LRRC4C: variants seen among roughly 807,000 people sequenced by gnomAD.
The protein encoded by LRRC4C is leucine-rich repeat-containing protein 4C.
In LRRC4C, 5 loss-of-function variants were observed where a neutral mutation model predicts 33.6. The ratio of observed to expected loss-of-function variants is 0.15; its 90% CI spans 0.08 to 0.31. The LOEUF (loss-of-function observed/expected upper bound fraction) is 0.31. LRRC4C is among the 10% of genes least tolerant of loss of function. The pLI, the probability that LRRC4C is intolerant of heterozygous loss-of-function variation, is 1.00. For synonymous variants in LRRC4C, 329 were observed against 302.0 expected (o/e 1.09, Z -0.93); for missense variants, 560 against 796.7 (o/e 0.70, Z 3.58).
chr11:40,532,599 T>C (rs192106884), intron 3 of LRRC4C, among the ~76,000 whole-genome samples: 81 of 151,712 alleles, frequency 5.3e-4, no homozygotes, highest in Non-Finnish European at 1.8e-4. Flanking sequence ...TCTAGTGTCA[T>C]GTAAGGGGTA....
At chr11:41,362,899 G>C (rs758628524) in intron 1 of LRRC4C, among the ~76,000 whole-genome samples, 30 of 151,912 alleles carry the variant, frequency 2.0e-4, no homozygotes, top group Non-Finnish European at 3.5e-4. Flanking sequence ...CTGTCACATG[G>C]CCTTCTTTTC....
chr11:40,127,256 C>G (rs1266631301), intron 6 of LRRC4C, among the ~76,000 whole-genome samples: 36 of 150,498 alleles, frequency 2.4e-4, no homozygotes, highest in Non-Finnish European at 5.9e-5. Flanking sequence ...AGCTGGGCAA[C>G]AGAACTAGAC....
intron 5 of LRRC4C, among the ~76,000 whole-genome samples, chr11:40,182,367 A>G (rs1483564952): frequency 2.0e-5 from 3 of 152,160 alleles, no homozygotes; most frequent in Admixed American, 2.0e-4. Context: ...AAGGAAACAA[A>G]CAAGTATAAC....
At chr11:40,717,202 A>C (rs1946771773) in intron 2 of LRRC4C, among the ~76,000 whole-genome samples, 1 of 151,884 alleles carries the variant, frequency 6.6e-6, no homozygotes, top group Non-Finnish European at 1.5e-5. Context: ...ATGGTTTACT[A>C]ATCATAAATG....
chr11:40,194,169 G>A (rs186214328), intron 5 of LRRC4C, among the ~76,000 whole-genome samples: 355 of 152,230 alleles, frequency 2.3e-3, no homozygotes, highest in Non-Finnish European at 4.1e-3. Flanking sequence ...ATTCTCTACG[G>A]TTGAAATGAA....
chr11:41,413,640 T>C (rs142889206), intron 1 of LRRC4C, among the ~76,000 whole-genome samples: 1 of 152,322 alleles, frequency 6.6e-6, no homozygotes, highest in Non-Finnish European at 1.5e-5. Flanking sequence ...TGGTGTATTG[T>C]CTAGCTGGAA....
intron 2 of LRRC4C, among the ~76,000 whole-genome samples, chr11:40,761,863 G>A (rs1171219420): frequency 1.3e-5 from 2 of 152,204 alleles, no homozygotes; most frequent in East Asian, 3.9e-4. Flanking sequence ...AGTAAGAGTT[G>A]GAAGGATTTG....
rs556591426 is a variant in LRRC4C at position 40,350,214 on chromosome 11, C to T, written c.-269-30493G>A. Among the ~76,000 whole-genome samples the T allele has an allele frequency of 2.6e-5, 4 of 152,182 alleles. 1 individual carries two copies. The South Asian group carries it at 8.3e-4, about 31-fold the overall frequency. On this transcript the variant is annotated intron_variant, in intron 3 of 6. Transcript: ENST00000528697. The stretch of plus-strand genomic sequence containing the variant: ...CCCCAATGTTTTCTTTTAGTAGTTT[C>T]ATAGCTTGCGATCTTAGATTTAAGT...
rs545315087 is a variant in LRRC4C, at chr11:41,235,265, T to TA, written c.-496+224165dup. Among the ~76,000 whole-genome samples the TA allele has an allele frequency of 2.1e-3, 325 of 151,904 alleles. 2 individuals carry two copies. Among genetic ancestry groups the TA allele is most frequent in the African/African-American group, 6.3e-3 (263 of 41,464 alleles). ...GCAATGGGGATAACGCAGAAGACGC[T>TA]AAAAAAAATGCAACCATTTGAGATT... On this transcript the variant is annotated intron_variant, in intron 1 of 6. Coordinates refer to ENST00000528697, the MANE Select transcript of LRRC4C (RefSeq NM_001258419.2).
intron 6 of LRRC4C, among the ~76,000 whole-genome samples, chr11:40,127,664 C>T (rs1856354538): frequency 1.3e-5 from 2 of 152,172 alleles, no homozygotes; most frequent in East Asian, 3.9e-4. Flanking sequence ...TAATAATCGA[C>T]GTCCCTAGTA....
chr11:40,933,719 C>A lies in LRRC4C; in HGVS notation c.-491G>T, dbSNP rs1957738194. On this transcript the variant is annotated 5_prime_UTR_variant, in exon 2 of 7. An upstream start codon of the reference 5' UTR is lost. Transcript: ENST00000528697. ...CTTGCAGCCTCGCAGTAAAGAGAAC[C>A]ATTTCTAGAAAAGACATACGATTAA... 1 of 152,196 alleles carries A rather than the reference C, an allele frequency of 6.6e-6. No homozygotes were observed. The highest frequency in any genetic ancestry group is 1.5e-5 in the Non-Finnish European group (1 of 68,038). 9.4% of individuals were successfully genotyped at this position (152,196 alleles called of 1,614,324 possible). A position where few individuals can be genotyped will look rare whatever the true frequency, so the allele number is the denominator to read the frequency against.
At chr11:40,943,417 A>G (rs1465225515) in intron 1 of LRRC4C, among the ~76,000 whole-genome samples, 1 of 152,180 alleles carries the variant, frequency 6.6e-6, no homozygotes, top group Non-Finnish European at 1.5e-5. Flanking sequence ...CTTCGATTCC[A>G]GCACAAAGAA....
intron 6 of LRRC4C, among the ~76,000 whole-genome samples, chr11:40,132,854 C>T (rs939993739): frequency 6.6e-6 from 1 of 151,840 alleles, no homozygotes; most frequent in South Asian, 2.1e-4. Context: ...TCTAGGCTTT[C>T]AGTTTGAAAA....
intron 1 of LRRC4C, among the ~76,000 whole-genome samples, chr11:41,337,942 C>T (rs1951507965): frequency 6.6e-6 from 1 of 152,092 alleles, no homozygotes. Flanking sequence ...AAAAGCTCAA[C>T]ATGACTGATC....
intron 1 of LRRC4C, among the ~76,000 whole-genome samples, chr11:41,243,876 C>T (rs1294583823): frequency 6.6e-6 from 1 of 151,992 alleles, no homozygotes; most frequent in Non-Finnish European, 1.5e-5. Flanking sequence ...GCATGAATAT[C>T]GCTATTATAC....
intron 5 of LRRC4C, among the ~76,000 whole-genome samples, chr11:40,176,487 T>A (rs1439405293): frequency 4.6e-5 from 7 of 151,664 alleles, no homozygotes; most frequent in Non-Finnish European, 7.4e-5. Context: ...AGGGATAAAA[T>A]AATTAGATTG....
At chr11:40,623,113 G>T (rs1465449080) in intron 3 of LRRC4C, among the ~76,000 whole-genome samples, 2 of 151,550 alleles carry the variant, frequency 1.3e-5, no homozygotes, top group East Asian at 1.9e-4. Flanking sequence ...ACCAAGATTT[G>T]CCAGGGTCTT....
intron 3 of LRRC4C, among the ~76,000 whole-genome samples, chr11:40,540,158 T>G (rs1398077781): frequency 6.6e-6 from 1 of 152,216 alleles, no homozygotes; most frequent in African/African-American, 2.4e-5. Flanking sequence ...TACTATTCAG[T>G]GCTTTGAACA....
chr11:40,203,615 T>A (rs1424204791), intron 5 of LRRC4C, among the ~76,000 whole-genome samples: 1 of 152,134 alleles, frequency 6.6e-6, no homozygotes, highest in Non-Finnish European at 1.5e-5. Flanking sequence ...TGCAAAAACA[T>A]GAACTTTTAA....
Sources: allele counts gnomAD v4.1 joint callset (sites outside exome capture counted in the v4.1 genomes callset), GRCh38; gene constraint gnomAD v4.1.1; transcripts MANE v1.5; gene names NCBI Gene and HGNC (gene_info 2026-07-23, HGNC 2026-07-21).